FSIP2: variants seen among roughly 807,000 people sequenced by gnomAD.
FSIP2 encodes fibrous sheath interacting protein 2.
FSIP2 carries 367 observed loss-of-function variants against 510.5 expected under a neutral mutation model. The ratio of observed to expected loss-of-function variants is 0.72; its 90% CI spans 0.66 to 0.78. FSIP2 has a LOEUF of 0.78. FSIP2 is among the 30% of genes least tolerant of loss of function. The pLI, the probability that FSIP2 is intolerant of heterozygous loss-of-function variation, is 0.00. For synonymous variants in FSIP2, 2,601 were observed against 2,732.2 expected (o/e 0.95, Z 1.50); for missense variants, 7,594 against 7,901.7 (o/e 0.96, Z 1.48).
chr2:185,743,430 T>C (rs1691964725), intron 3 of FSIP2, 136 bp downstream of exon 3: 1 of 427,114 alleles, frequency 2.3e-6, no homozygotes, highest in Non-Finnish European at 4.0e-6. Flanking sequence ...GGCAGTTCTA[T>C]AAATTTCTCA....
intron 9 of FSIP2, 45 bp from the exon 10 acceptor site, chr2:185,760,943 T>TAA (rs10547921): frequency 3.9e-3 from 2,389 of 616,608 alleles, no homozygotes; most frequent in South Asian, 4.7e-3. Flanking sequence ...CTAAAGCTGT[T>TAA]AAAAAAAAAA....
intron 19 of FSIP2, among the ~76,000 whole-genome samples, chr2:185,817,012 G>A (rs1693841043): frequency 6.6e-6 from 1 of 150,782 alleles, no homozygotes; most frequent in South Asian, 2.1e-4. Context: ...GGAGAGAGGG[G>A]TGAAGAAAGG....
At chr2:185,752,291 TCTA>T (rs1169957493) in intron 7 of FSIP2, among the ~76,000 whole-genome samples, 1 of 151,134 alleles carries the variant, frequency 6.6e-6, no homozygotes, top group African/African-American at 2.4e-5. Flanking sequence ...CAAGAAGAAT[TCTA>T]CTGTCTTTAA....
intron 20 of FSIP2, among the ~76,000 whole-genome samples, chr2:185,827,502 CCTT>C (rs1694034441): frequency 6.6e-6 from 1 of 151,346 alleles, no homozygotes; most frequent in Non-Finnish European, 1.5e-5. Flanking sequence ...AGGGTTTCTG[CCTT>C]CTTAGCAGAT....
rs747118516 is a variant in FSIP2 at position 185,803,364 on chromosome 2, A to G, written c.14058A>G (p.Leu4686=). ...IIDNTEERLC[L]PPVERDVVKT... Reference sequence around the variant, plus strand: ...ATAATACTGAGGAAAGACTGTGTTTACCTCCAGTGGAGAGGGATGTAGTCA... The same window carrying G: ...ATAATACTGAGGAAAGACTGTGTTTGCCTCCAGTGGAGAGGGATGTAGTCA... The change falls in exon 17 of 23, where the codon TTA becomes TTG. Residue 4686 remains leucine, a synonymous_variant. Coordinates refer to ENST00000424728, the MANE Select transcript of FSIP2 (RefSeq NM_173651.4). The G allele has an allele frequency of 5.7e-5, 87 of 1,533,192 alleles. No individual in the cohort carries two copies. The highest frequency in any genetic ancestry group is 1.2e-4 in the East Asian group (5 of 40,814). The allele number at this position is 1,533,192 out of a possible 1,614,324, so 95.0% of individuals were successfully genotyped here. A position where few individuals can be genotyped will look rare whatever the true frequency, so the allele number is the denominator to read the frequency against.
At chr2:185,759,839 G>C (rs1186387102) in intron 9 of FSIP2, among the ~76,000 whole-genome samples, 1 of 150,476 alleles carries the variant, frequency 6.6e-6, no homozygotes. Flanking sequence ...GGAAGAGTTT[G>C]TGTAAAATTA....
In FSIP2 at chr2:185,798,257, GTTA is replaced by G. The variant is rs1296360752; in HGVS notation, c.10390+740_10390+742del. ...TAATTTTTGTATTCTTGAAGGCTTTGTTATTATTATTCAAAGTTTAAAAGAACA... is the reference window on the plus strand; with the variant it reads ...TAATTTTTGTATTCTTGAAGGCTTTGTTATTATTCAAAGTTTAAAAGAACA... On this transcript the variant is annotated intron_variant, in intron 16 of 22. Transcript: ENST00000424728. Among the ~76,000 whole-genome samples, 17 of 151,848 alleles carry G rather than the reference GTTA, an allele frequency of 1.1e-4. No individual in the cohort carries two copies. In the South Asian group the frequency reaches 2.1e-3, roughly 18 times the overall value.
rs1231257775 is a variant in FSIP2 at position 185,802,954 on chromosome 2, A to T, written c.13648A>T (p.Asn4550Tyr). The T allele has an allele frequency of 6.6e-7, 1 of 1,525,760 alleles. No individual in the cohort carries two copies. Among genetic ancestry groups the T allele is most frequent in the Non-Finnish European group, 8.8e-7 (1 of 1,142,314 alleles). The allele number at this position is 1,525,760 out of a possible 1,614,324, so 94.5% of individuals were successfully genotyped here. A position where few individuals can be genotyped will look rare whatever the true frequency, so the allele number is the denominator to read the frequency against. Residue 4550 changes from asparagine to tyrosine, a missense_variant, in exon 17 of 23, where the codon AAT (asparagine) becomes TAT (tyrosine). Transcript: ENST00000424728. Reference protein sequence around the residue: ...IQHLVDSVFANVVQTSGSQES... With the variant: ...IQHLVDSVFAYVVQTSGSQES... ...GCACCTTGTTGATTCAGTATTTGCA[A>T]ATGTTGTGCAAACCTCTGGTTCTCA...
rs1330010239 is a variant in FSIP2, at chr2:185,801,298, A to T, written c.11992A>T (p.Ile3998Phe). Residue 3998 changes from isoleucine to phenylalanine, a missense_variant, in exon 17 of 23, where the codon ATC becomes TTC. By Grantham distance (21) the Ile-to-Phe change is conservative. Coordinates refer to ENST00000424728, the MANE Select transcript of FSIP2 (RefSeq NM_173651.4). ...SMSLWGKNKNITVSWLNEMNT... is the reference protein window; with the variant it reads ...SMSLWGKNKNFTVSWLNEMNT... ...GTCATTGTGGGGCAAAAATAAAAACATCACTGTGTCCTGGCTCAATGAGAT... is the reference window on the plus strand; with the variant it reads ...GTCATTGTGGGGCAAAAATAAAAACTTCACTGTGTCCTGGCTCAATGAGAT... The T allele has an allele frequency of 6.5e-7, 1 of 1,533,706 alleles. No individual in the cohort carries two copies. Among genetic ancestry groups the T allele is most frequent in the East Asian group, 2.4e-5 (1 of 40,834 alleles).
At position 185,800,158 on chromosome 2, in the gene FSIP2, G is replaced by T. The variant is rs1233027799; in HGVS notation, c.10852G>T (p.Glu3618Ter). The T allele has an allele frequency of 2.6e-6, 4 of 1,533,196 alleles. No individual in the cohort carries two copies. The highest frequency in any genetic ancestry group is 8.7e-7 in the Non-Finnish European group (1 of 1,145,394). The allele number at this position is 1,533,196 out of a possible 1,614,324, so 95.0% of individuals were successfully genotyped here. ...AGGAGTGATTCATGTACTGTCCAAA[G>T]AAATAGAAGTAGATTATCACTTTGA... The part of the protein sequence containing the change: ...LVGVIHVLSK[E>*]IEVDYHFESN... The change falls in exon 17 of 23, where the codon GAA (glutamate) becomes TAA (stop). Residue 3618 changes from glutamate (E) to a stop codon, truncating the protein, a stop_gained. Coordinates refer to ENST00000424728, the MANE Select transcript of FSIP2 (RefSeq NM_173651.4). LOFTEE classifies it high-confidence loss of function.
intron 16 of FSIP2, 79 bp downstream of exon 16, chr2:185,797,605 T>G: frequency 9.4e-6 from 13 of 1,384,600 alleles, no homozygotes; most frequent in Non-Finnish European, 1.2e-5. Flanking sequence ...AAAGATCTCC[T>G]GTCTAAAAAG....
chr2:185,760,953 A>G (rs1411417354), intron 9 of FSIP2, 35 bp from the exon 10 acceptor site: 4 of 855,948 alleles, frequency 4.7e-6, no homozygotes, highest in Non-Finnish European at 5.2e-6. Context: ...TAAAAAAAAA[A>G]AAAACTATAG....
Position 185,789,889 on chromosome 2 carries a change from C to A in FSIP2, c.2753C>A (p.Thr918Asn). The part of the protein sequence containing the change: ...AINAILGYIQ[T>N]ELNNERIIAS... ...AATGCTATACTAGGTTATATACAAA[C>A]TGAACTAAATAATGAGAGAATTATT... is the stretch of plus-strand genomic sequence containing the variant. Residue 918 changes from threonine to asparagine, a missense_variant, in exon 16 of 23, where the codon ACT becomes AAT. Thr to Asn is a moderately conservative substitution (Grantham distance 65). Transcript: ENST00000424728. The A allele has an allele frequency of 2.0e-6, 3 of 1,532,528 alleles. No individual in the cohort carries two copies. The highest frequency in any genetic ancestry group is 2.6e-6 in the Non-Finnish European group (3 of 1,144,206). 94.9% of individuals were successfully genotyped at this position (1,532,528 alleles called of 1,614,324 possible).
intron 20 of FSIP2, among the ~76,000 whole-genome samples, chr2:185,827,782 G>A (rs915393696): frequency 2.0e-5 from 3 of 151,838 alleles, no homozygotes; most frequent in Admixed American, 6.6e-5. Flanking sequence ...GGTAGAGCTG[G>A]AAGGGCTATT....
At chr2:185,759,152 T>C (rs1240995657) in intron 9 of FSIP2, among the ~76,000 whole-genome samples, 3 of 150,912 alleles carry the variant, frequency 2.0e-5, no homozygotes, top group African/African-American at 7.3e-5. Context: ...GGATATCAGC[T>C]CTAGATATTT....
Position 185,788,824 on chromosome 2 carries a change from G to T in FSIP2, c.1688G>T (p.Ser563Ile), listed in dbSNP as rs1418475779. 2.0e-6 allele frequency: 3 copies of T among 1,534,566 alleles called. No individual in the cohort carries two copies. Among genetic ancestry groups the T allele is most frequent in the East Asian group, 2.4e-5 (1 of 40,860 alleles). ...AGTTCAAGTTTCTGTAGCACGTGCA[G>T]TGAAGACTTTACATATAGAAGCTAC... is the stretch of plus-strand genomic sequence containing the variant. ...SDSSSFCSTCSEDFTYRSYTS... is the reference protein window; with the variant it reads ...SDSSSFCSTCIEDFTYRSYTS... Residue 563 changes from serine to isoleucine, a missense_variant, in exon 16 of 23, where the codon AGT becomes ATT. Physicochemically the swap from Ser to Ile is moderately radical, Grantham distance 142. Coordinates refer to ENST00000424728, the MANE Select transcript of FSIP2 (RefSeq NM_173651.4).
chr2:185,756,560 A>T (rs78203863), intron 9 of FSIP2, among the ~76,000 whole-genome samples: 27 of 151,590 alleles, frequency 1.8e-4, no homozygotes, highest in African/African-American at 6.5e-4. Flanking sequence ...CAGCATGCCT[A>T]CCAACTTGCA....
chr2:185,801,042 G>T lies in FSIP2; in HGVS notation c.11736G>T (p.Leu3912Phe). 6.5e-7 allele frequency: 1 copy of T among 1,532,172 alleles called. No individual in the cohort carries two copies. Among genetic ancestry groups the T allele is most frequent in the Non-Finnish European group, 8.7e-7 (1 of 1,144,366 alleles). The allele number at this position is 1,532,172 out of a possible 1,614,324, so 94.9% of individuals were successfully genotyped here. A position where few individuals can be genotyped will look rare whatever the true frequency, so the allele number is the denominator to read the frequency against. The change falls in exon 17 of 23, where the codon TTG (leucine) becomes TTT (phenylalanine). Residue 3912 changes from leucine (L) to phenylalanine (F), a missense_variant. Transcript: ENST00000424728. ...TCAGGAGCTATGATAGTAATTCTTT[G>T]ACAGTATCCCTGAATAATCCCAGTG... Reference protein sequence around the residue: ...LELRSYDSNSLTVSLNNPSVV... With the variant: ...LELRSYDSNSFTVSLNNPSVV...
Position 185,789,488 on chromosome 2 carries a change from C to G in FSIP2, c.2352C>G (p.Val784=). The change falls in exon 16 of 23, where the codon GTC becomes GTG. Residue 784 remains valine (V), a synonymous_variant. Transcript: ENST00000424728. The stretch of plus-strand genomic sequence containing the variant: ...AGATGTTTTCACAAGATTTGTCAGT[C>G]GACATTAAACCAAGTTTAGCAGCCA... ...CVEMFSQDLS[V]DIKPSLAASD... 6.5e-7 allele frequency: 1 copy of G among 1,534,436 alleles called. No individual in the cohort carries two copies. Among genetic ancestry groups the G allele is most frequent in the Non-Finnish European group, 8.7e-7 (1 of 1,145,818 alleles).
Sources: allele counts gnomAD v4.1 joint callset (sites outside exome capture counted in the v4.1 genomes callset), GRCh38; gene constraint gnomAD v4.1.1; transcripts MANE v1.5; gene names NCBI Gene and HGNC (gene_info 2026-07-23, HGNC 2026-07-21).